Variants in PCDH9 observed in about 807,000 individuals in gnomAD.
PCDH9 encodes protocadherin 9.
PCDH9 carries 24 observed loss-of-function variants against 70.6 expected under a neutral mutation model. That is an observed-to-expected ratio of 0.34 (90% CI 0.25 to 0.48). The LOEUF (loss-of-function observed/expected upper bound fraction) is 0.48. Ranked by LOEUF, PCDH9 falls within the 20% of genes least tolerant of loss-of-function variation. The pLI is 0.99. For synonymous variants in PCDH9, 562 were observed against 558.5 expected, an observed-to-expected ratio of 1.01 and a Z score of -0.09; for missense variants, 1,281 against 1,503.6, an observed-to-expected ratio of 0.85 and a Z score of 2.45.
intron 3 of PCDH9, among the ~76,000 whole-genome samples, chr13:66,877,872 ACTTCCTCACTTCAATGACTC>A (rs1387058351): frequency 2.3e-4 from 35 of 152,176 alleles, no homozygotes; most frequent in Non-Finnish European, 8.8e-5. Context: ...AATAGGGAAC[ACTTCCTCACTTCAATGACTC>A]CCACCAGCCC....
intron 4 of PCDH9, among the ~76,000 whole-genome samples, chr13:66,616,727 C>T (rs575159701): frequency 1.3e-5 from 2 of 152,088 alleles, no homozygotes; most frequent in Non-Finnish European, 2.9e-5. Context: ...AAGCCAAGCA[C>T]CATGCACCCA....
chr13:66,328,425 C>T (rs1955882684), intron 4 of PCDH9, among the ~76,000 whole-genome samples: 1 of 151,992 alleles, frequency 6.6e-6, no homozygotes, highest in Non-Finnish European at 1.5e-5. Flanking sequence ...GCAAAGGATA[C>T]AATAGTTAAG....
chr13:66,875,915 C>T (rs1446518639), intron 3 of PCDH9, among the ~76,000 whole-genome samples: 5 of 152,200 alleles, frequency 3.3e-5, no homozygotes, highest in African/African-American at 1.2e-4. Flanking sequence ...CCTGTCATGT[C>T]CTGAAGTCCT....
chr13:66,518,331 A>T (rs1959836112), intron 4 of PCDH9, among the ~76,000 whole-genome samples: 1 of 152,144 alleles, frequency 6.6e-6, no homozygotes, highest in African/African-American at 2.4e-5. Flanking sequence ...CCCCGCCTAC[A>T]ACACTGGGGA....
At chr13:67,215,418 C>T (rs1348625836) in intron 2 of PCDH9, 4 of 151,942 alleles carry the variant, frequency 2.6e-5, no homozygotes, top group East Asian at 1.9e-4. Flanking sequence ...CTTACAAACA[C>T]GTATCTCTAT....
chr13:66,565,066 A>G (rs1411750539), intron 4 of PCDH9, among the ~76,000 whole-genome samples: 2 of 152,206 alleles, frequency 1.3e-5, no homozygotes, highest in Non-Finnish European at 2.9e-5. Context: ...CAGGACAATA[A>G]TTGTACTTTC....
intron 2 of PCDH9, among the ~76,000 whole-genome samples, chr13:67,047,290 TTCCC>T (rs1464142750): frequency 6.6e-6 from 1 of 152,186 alleles, no homozygotes; most frequent in Non-Finnish European, 1.5e-5. Context: ...TGCCATTCTT[TTCCC>T]TCCTTGAACC....
chr13:66,778,697 A>G (rs1594048961), intron 3 of PCDH9, among the ~76,000 whole-genome samples: 1 of 152,204 alleles, frequency 6.6e-6, no homozygotes, highest in South Asian at 2.1e-4. Context: ...ATAAGTCCAG[A>G]CTACACATAT....
chr13:67,148,997 C>A (rs932691178), intron 2 of PCDH9, among the ~76,000 whole-genome samples: 1 of 152,108 alleles, frequency 6.6e-6, no homozygotes, highest in African/African-American at 2.4e-5. Context: ...CAGTAAGGCA[C>A]CTATAGAGCA....
At chr13:66,766,283 T>C (rs142893606) in intron 3 of PCDH9, among the ~76,000 whole-genome samples, 10 of 152,058 alleles carry the variant, frequency 6.6e-5, no homozygotes, top group East Asian at 1.9e-4. Flanking sequence ...GAGATGACGA[T>C]AGACTCACCA....
At chr13:66,608,345 A>C (rs1438469817) in intron 4 of PCDH9, among the ~76,000 whole-genome samples, 1 of 152,136 alleles carries the variant, frequency 6.6e-6, no homozygotes. Context: ...CTAAAACTTC[A>C]AGGAGATTAT....
chr13:66,939,196 A>G (rs2082966549), intron 2 of PCDH9, among the ~76,000 whole-genome samples: 1 of 152,090 alleles, frequency 6.6e-6, no homozygotes, highest in South Asian at 2.1e-4. Flanking sequence ...ACTGTCAATC[A>G]TTAAAAACAC....
At chr13:66,462,531 C>T (rs1958444112) in intron 4 of PCDH9, among the ~76,000 whole-genome samples, 1 of 151,728 alleles carries the variant, frequency 6.6e-6, no homozygotes, top group Non-Finnish European at 1.5e-5. Flanking sequence ...AAATTATCTG[C>T]CCGTTAGAAT....
At chr13:66,634,814 C>T (rs896360511) in intron 3 of PCDH9, among the ~76,000 whole-genome samples, 3 of 151,960 alleles carry the variant, frequency 2.0e-5, no homozygotes, top group Non-Finnish European at 2.9e-5. Flanking sequence ...AAGTATTGTT[C>T]TTTCACAAGT....
Position 66,665,900 on chromosome 13 carries a change from T to A in PCDH9, c.3139-34489A>T, listed in dbSNP as rs540864351. Among the ~76,000 whole-genome samples the A allele has an allele frequency of 1.6e-3, 251 of 152,168 alleles. 1 individual carries two copies. The highest frequency in any genetic ancestry group is 3.4e-3 in the Middle Eastern group (1 of 294). On this transcript the variant is annotated intron_variant, in intron 3 of 4. Coordinates refer to ENST00000377865, the MANE Select transcript of PCDH9 (RefSeq NM_203487.3). ...CTAAGGGTAAGTAACGAAATGATTT[T>A]CCAAAACCATCCACTAAAGAGGGAC...
intron 3 of PCDH9, among the ~76,000 whole-genome samples, chr13:66,683,414 C>A (rs1258751979): frequency 1.3e-5 from 2 of 152,092 alleles, no homozygotes; most frequent in Non-Finnish European, 2.9e-5. Context: ...TTCAAATGTT[C>A]CCACTTCCCC....
chr13:67,192,914 A>C (rs911966901), intron 2 of PCDH9, among the ~76,000 whole-genome samples: 3 of 152,158 alleles, frequency 2.0e-5, no homozygotes, highest in Admixed American at 1.3e-4. Context: ...AACGAGTAGC[A>C]GAAAGGGAAA....
At chr13:66,739,551 T>C (rs1366673640) in intron 3 of PCDH9, among the ~76,000 whole-genome samples, 1 of 144,376 alleles carries the variant, frequency 6.9e-6, no homozygotes, top group Non-Finnish European at 1.5e-5. Flanking sequence ...ACTGGCAAGT[T>C]GGATAAAGAG....
chr13:66,625,276 A>G (rs2077483624), intron 4 of PCDH9, among the ~76,000 whole-genome samples: 2 of 152,190 alleles, frequency 1.3e-5, no homozygotes, highest in Admixed American at 6.5e-5. Flanking sequence ...TACTGAAGAA[A>G]GGAACAAACC....
Sources: allele counts gnomAD v4.1 joint callset (sites outside exome capture counted in the v4.1 genomes callset), GRCh38; gene constraint gnomAD v4.1.1; transcripts MANE v1.5; gene names NCBI Gene and HGNC (gene_info 2026-07-23, HGNC 2026-07-21).